FCRL2: variants seen among roughly 807,000 people sequenced by gnomAD.
FCRL2 encodes Fc receptor-like protein 2.
Under a neutral mutation model 59.8 loss-of-function variants are expected in FCRL2, and 48 were observed. That is an observed-to-expected ratio of 0.80 (90% CI 0.64 to 1.02). The LOEUF (loss-of-function observed/expected upper bound fraction) is 1.02, where lower values mean the gene tolerates loss of function less well. Among genes scored for constraint, FCRL2 ranks in the 50% least tolerant of loss-of-function variants. FCRL2 has a pLI of 0.00. For synonymous variants in FCRL2, 251 were observed against 229.5 expected, an observed-to-expected ratio of 1.09 and a Z score of -0.85; for missense variants, 658 against 597.3, an observed-to-expected ratio of 1.10 and a Z score of -1.06.
At chr1:157,768,178 T>C (rs1649671582) in intron 5 of FCRL2, 1 of 490,070 alleles carries the variant, frequency 2.0e-6, no homozygotes, top group Non-Finnish European at 3.6e-6. Flanking sequence ...TTTATCATCC[T>C]ATCGTAGGAT....
In FCRL2 at chr1:157,745,980, A is replaced by T. The variant is rs1647712195; in HGVS notation, c.*756T>A. On this transcript the variant is annotated 3_prime_UTR_variant, in exon 12 of 12. Transcript: ENST00000361516. ...TCAAGTCGATGCACATAAAGAAGAA[A>T]ATCTGGAGGAAACGGCTAAATTCCT... The T allele has an allele frequency of 6.6e-6, 1 of 152,194 alleles. No homozygotes were observed. The allele number at this position is 152,194 out of a possible 1,614,324, so 9.4% of individuals were successfully genotyped here.
chr1:157,748,997 G>A, intron 8 of FCRL2, 37 bp from the exon 9 acceptor site: 2 of 1,567,794 alleles, frequency 1.3e-6, no homozygotes, highest in Non-Finnish European at 1.8e-6. Context: ...ATAATCCCCA[G>A]GGCAGTGAGT....
chr1:157,766,109 C>T (rs1362210941), intron 7 of FCRL2, among the ~76,000 whole-genome samples: 4 of 152,054 alleles, frequency 2.6e-5, no homozygotes, highest in Non-Finnish European at 4.4e-5. Flanking sequence ...AAGGAGTCAT[C>T]GCTCTTTTTA....
chr1:157,770,002 C>A lies in FCRL2; in HGVS notation c.459G>T (p.Gly153=). 6.2e-7 allele frequency: 1 copy of A among 1,614,164 alleles called. No individual in the cohort carries two copies. Among genetic ancestry groups the A allele is most frequent in the Non-Finnish European group, 8.5e-7 (1 of 1,180,030 alleles). The stretch of plus-strand genomic sequence containing the variant: ...GCTCCGGAGAGCTGCTCCAGCCTGA[C>A]CCCAGGACCTGGTTTTCTCTGAAGA... The part of the protein sequence containing the change: ...FCFFRENQVL[G]SGWSSSPELQ... The change falls in exon 4 of 12, where the codon GGG becomes GGT. Residue 153 remains glycine (G), a synonymous_variant. Coordinates refer to ENST00000361516, the MANE Select transcript of FCRL2 (RefSeq NM_030764.4).
rs1156289421 is a variant in FCRL2 at position 157,777,108 on chromosome 1, C to A, written c.-35G>T. Reference sequence around the variant, plus strand: ...ATCCAGCTATTTGAAAAGAGATGTACTCTTGGTCACCAACTGGAGACTCTG... The same window carrying A: ...ATCCAGCTATTTGAAAAGAGATGTAATCTTGGTCACCAACTGGAGACTCTG... On this transcript the variant is annotated 5_prime_UTR_variant, in exon 1 of 12. Coordinates refer to ENST00000361516, the MANE Select transcript of FCRL2 (RefSeq NM_030764.4). 6 of 1,614,138 alleles carry A rather than the reference C, an allele frequency of 3.7e-6. No individual in the cohort carries two copies. The highest frequency in any genetic ancestry group is 1.3e-5 in the African/African-American group (1 of 75,048).
At chr1:157,753,638 T>C (rs1234378076) in intron 7 of FCRL2, among the ~76,000 whole-genome samples, 1 of 152,212 alleles carries the variant, frequency 6.6e-6, no homozygotes, top group Non-Finnish European at 1.5e-5. Context: ...AGCGGTCCCA[T>C]TACATAGGTA....
rs962592831 is a variant in FCRL2, at chr1:157,768,487, G to T, written c.810C>A (p.Ala270=). ...LEIPAVKESD[A]GKYYCRADNG... is the part of the protein sequence containing the mutation. ...TGTCAGCTCTACAGTAATATTTGCC[G>T]GCATCACTCTCTTTCACAGCTGGGA... Residue 270 remains alanine (A), a synonymous_variant, in exon 5 of 12, where the codon GCC becomes GCA. Transcript: ENST00000361516. The T allele has an allele frequency of 1.9e-6, 3 of 1,614,022 alleles. No homozygotes were observed. The highest frequency in any genetic ancestry group is 2.2e-5 in the East Asian group (1 of 44,888).
chr1:157,758,044 G>A (rs985161878), intron 7 of FCRL2, among the ~76,000 whole-genome samples: 1 of 152,220 alleles, frequency 6.6e-6, no homozygotes, highest in Non-Finnish European at 1.5e-5. Flanking sequence ...GACCAACACA[G>A]ACACCCTACA....
chr1:157,756,907 G>C (rs188698530), intron 7 of FCRL2, among the ~76,000 whole-genome samples: 7 of 152,240 alleles, frequency 4.6e-5, no homozygotes, highest in Non-Finnish European at 8.8e-5. Context: ...ACATCATGCT[G>C]TACATAAATA....
chr1:157,773,116 A>C (rs1439682770), intron 2 of FCRL2, among the ~76,000 whole-genome samples: 4 of 152,174 alleles, frequency 2.6e-5, no homozygotes, highest in Non-Finnish European at 4.4e-5. Flanking sequence ...ACTTCCCCTC[A>C]GCTATGTTTT....
Position 157,768,504 on chromosome 1 carries a change from C to G in FCRL2, c.793G>C (p.Val265Leu). The G allele has an allele frequency of 6.2e-7, 1 of 1,614,256 alleles. No individual in the cohort carries two copies. Among genetic ancestry groups the G allele is most frequent in the Non-Finnish European group, 8.5e-7 (1 of 1,180,046 alleles). ...SLSAELEIPAVKESDAGKYYC... is the reference protein window; with the variant it reads ...SLSAELEIPALKESDAGKYYC... ...TATTTGCCGGCATCACTCTCTTTCA[C>G]AGCTGGGATCTCCAGCTCTGCTGAC... is the stretch of plus-strand genomic sequence containing the variant. Residue 265 changes from valine (V) to leucine (L), a missense_variant, in exon 5 of 12, where the codon GTG (valine) becomes CTG (leucine). By Grantham distance (32) the Val-to-Leu change is conservative (BLOSUM62 1). Transcript: ENST00000361516.
chr1:157,750,194 T>G (rs1648078900), intron 7 of FCRL2, among the ~76,000 whole-genome samples: 1 of 152,190 alleles, frequency 6.6e-6, no homozygotes, highest in Non-Finnish European at 1.5e-5. Context: ...CATTTTGCTT[T>G]GTGGAGAGAT....
chr1:157,749,677 C>T lies in FCRL2; in HGVS notation c.1280G>A (p.Gly427Glu). 1.2e-6 allele frequency: 2 copies of T among 1,606,650 alleles called. No individual in the cohort carries two copies. Among genetic ancestry groups the T allele is most frequent in the Non-Finnish European group, 1.7e-6 (2 of 1,175,376 alleles). The stretch of plus-strand genomic sequence containing the variant: ...GGGTTCATTAGTGGCAGAACTTTCT[C>T]CTGAAATGCAAATAAAACAAAATTC... The part of the protein sequence containing the change: ...LLYALFHKIS[G>E]ESSATNEPRG... Residue 427 changes from glycine to glutamate, a missense_variant and splice_region_variant, in exon 8 of 12, where the codon GGA becomes GAA. Physicochemically the swap from Gly to Glu is moderately conservative, Grantham distance 98 (BLOSUM62 -2). Transcript: ENST00000361516.
At chr1:157,757,932 AGCCTGG>A (rs1571263794) in intron 7 of FCRL2, among the ~76,000 whole-genome samples, 1 of 152,244 alleles carries the variant, frequency 6.6e-6, no homozygotes, top group East Asian at 1.9e-4. Flanking sequence ...ACTGCGCTCT[AGCCTGG>A]GTGACAGAGT....
rs1649578037 is a variant in FCRL2 at position 157,767,328 on chromosome 1, G to A, written c.1065C>T (p.Asn355=). 2 of 1,614,216 alleles carry A rather than the reference G, an allele frequency of 1.2e-6. No homozygotes were observed. Among genetic ancestry groups the A allele is most frequent in the South Asian group, 1.1e-5 (1 of 91,082 alleles). The change falls in exon 6 of 12, where the codon AAC becomes AAT. Residue 355 remains asparagine (N), a synonymous_variant. Coordinates refer to ENST00000361516, the MANE Select transcript of FCRL2 (RefSeq NM_030764.4). The stretch of plus-strand genomic sequence containing the variant: ...CAGAATGTTCTGCAGTCAAAGAGAG[G>A]TTGAAGGAGGCCCCTCCTCCAGAGG... ...SAPSGGGASF[N]LSLTAEHSGN...
At chr1:157,767,145 C>G in intron 6 of FCRL2, 86 bp downstream of exon 6, 6 of 1,495,494 alleles carry the variant, frequency 4.0e-6, no homozygotes, top group Non-Finnish European at 4.5e-6. Flanking sequence ...GATCACCTTC[C>G]CCCTCTTCAC....
intron 3 of FCRL2, 49 bp from the exon 4 acceptor site, chr1:157,770,199 C>A (rs371809269): frequency 1.1e-5 from 18 of 1,589,886 alleles, no homozygotes; most frequent in Non-Finnish European, 1.4e-5. Flanking sequence ...AGCTAAGATT[C>A]CTGCTGAAAA....
At chr1:157,767,099 G>T (rs897152333) in intron 6 of FCRL2, 128 bp from the exon 7 acceptor site, 17 of 1,319,892 alleles carry the variant, frequency 1.3e-5, no homozygotes, top group Non-Finnish European at 1.6e-5. Flanking sequence ...TACTCTTCAG[G>T]TTAGTGTGGG....
At position 157,772,525 on chromosome 1, in the gene FCRL2, G is replaced by A. The variant is rs181915652; in HGVS notation, c.53-1859C>T. Among the ~76,000 whole-genome samples the A allele has an allele frequency of 3.1e-4, 47 of 152,198 alleles. No individual in the cohort carries two copies. In the East Asian group the frequency reaches 3.5e-3, roughly 11 times the overall value. ...CCACTGGGGAGAGATGCTAAAGCTC[G>A]GAGGCCTGGAAGTGAACTTGCGGCC... is the stretch of plus-strand genomic sequence containing the variant. On this transcript the variant is annotated intron_variant, in intron 2 of 11. Coordinates refer to ENST00000361516, the MANE Select transcript of FCRL2 (RefSeq NM_030764.4).
Sources: allele counts gnomAD v4.1 joint callset (sites outside exome capture counted in the v4.1 genomes callset), GRCh38; gene constraint gnomAD v4.1.1; transcripts MANE v1.5; gene names NCBI Gene and HGNC (gene_info 2026-07-23, HGNC 2026-07-21).